Variants in USO1 observed in about 807,000 individuals in gnomAD.
USO1 encodes the protein USO1 vesicle transport factor.
Under a neutral mutation model 124.5 loss-of-function variants are expected in USO1, and 57 were observed. The observed-to-expected ratio is 0.46, with a 90% CI of 0.37 to 0.57. The LOEUF (loss-of-function observed/expected upper bound fraction) is 0.57, where lower values mean the gene tolerates loss of function less well. Among genes scored for constraint, USO1 ranks in the 20% least tolerant of loss-of-function variants. USO1 has a pLI of 0.00. For synonymous variants in USO1, 369 were observed against 362.8 expected (o/e 1.02, Z -0.19); for missense variants, 900 against 1,040.6 (o/e 0.86, Z 1.86).
intron 8 of USO1, among the ~76,000 whole-genome samples, chr4:75,779,771 A>C (rs747455550): frequency 1.3e-5 from 2 of 152,236 alleles, no homozygotes; most frequent in African/African-American, 2.4e-5. Context: ...TGATGTAGAA[A>C]CTGCAGCAAG....
At chr4:75,810,623 A>G (rs903614967) in intron 22 of USO1, 84 bp downstream of exon 22, 5 of 1,378,882 alleles carry the variant, frequency 3.6e-6, no homozygotes, top group Non-Finnish European at 1.9e-6. Context: ...AAATTCTTAG[A>G]TTTATGAAGA....
intron 19 of USO1, 48 bp downstream of exon 19, chr4:75,805,351 T>C: frequency 6.8e-7 from 1 of 1,467,098 alleles, no homozygotes; most frequent in African/African-American, 1.5e-5. Flanking sequence ...AGAGTGGTTC[T>C]CATTATCCTG....
Position 75,808,998 on chromosome 4 carries a change from A to C in USO1, c.2422A>C (p.Ile808Leu), listed in dbSNP as rs771202574. ...TCAGTTAAACTCACAATCTGTGGAG[A>C]TCACCAAACTACAGACAGAAAAGCA... Reference protein sequence around the residue: ...KSQLNSQSVEITKLQTEKQEL... With the variant: ...KSQLNSQSVELTKLQTEKQEL... Residue 808 changes from isoleucine (I) to leucine (L), a missense_variant, in exon 21 of 24, where the codon ATC (isoleucine) becomes CTC (leucine). By Grantham distance (5) the Ile-to-Leu change is conservative (BLOSUM62 2). This residue lies in a region of USO1 where 362 missense variants were observed against 359.0 expected (regional missense o/e 1.01). Transcript: ENST00000514213. 3.7e-6 allele frequency: 6 copies of C among 1,605,710 alleles called. No individual in the cohort carries two copies. Among genetic ancestry groups the C allele is most frequent in the Non-Finnish European group, 5.1e-6 (6 of 1,176,316 alleles).
intron 15 of USO1, 38 bp from the exon 16 acceptor site, chr4:75,800,580 A>AT (rs781524521): frequency 9.8e-6 from 14 of 1,427,076 alleles, no homozygotes; most frequent in South Asian, 9.3e-5. Flanking sequence ...TTTTGATTTT[A>AT]TTTTTTTTAA....
intron 1 of USO1, among the ~76,000 whole-genome samples, chr4:75,734,788 G>A (rs557900929): frequency 5.1e-4 from 68 of 132,310 alleles, no homozygotes; most frequent in African/African-American, 1.9e-3. Flanking sequence ...GGGTGCAGTG[G>A]CACAATCTCA....
Position 75,731,747 on chromosome 4 carries a change from G to C in USO1, c.66+6862G>C, listed in dbSNP as rs542436609. 2.0e-3 allele frequency among the ~76,000 whole-genome samples: 302 copies of C among 152,106 alleles called. 1 individual carries two copies. The highest frequency in any genetic ancestry group is 3.7e-3 in the Non-Finnish European group (252 of 68,004). Reference sequence around the variant, plus strand: ...TATCATAAAATTAAATCAATATTAGGTGCTTGACAAATATTTGTTGGATAA... The same window carrying C: ...TATCATAAAATTAAATCAATATTAGCTGCTTGACAAATATTTGTTGGATAA... On this transcript the variant is annotated intron_variant, in intron 1 of 23. Coordinates refer to ENST00000514213, the MANE Select transcript of USO1 (RefSeq NM_003715.4).
chr4:75,748,110 T>C (rs1721183015), intron 1 of USO1, among the ~76,000 whole-genome samples: 1 of 151,790 alleles, frequency 6.6e-6, no homozygotes, highest in Non-Finnish European at 1.5e-5. Context: ...TTTCTCTGTG[T>C]TGAGGCTGGT....
chr4:75,801,312 C>G, intron 17 of USO1, 112 bp downstream of exon 17: 1 of 1,261,058 alleles, frequency 7.9e-7, no homozygotes, highest in Non-Finnish European at 1.0e-6. Flanking sequence ...AAGCAAAACC[C>G]ATCATTTTTC....
intron 9 of USO1, among the ~76,000 whole-genome samples, chr4:75,784,830 G>C (rs1410402005): frequency 6.6e-6 from 1 of 151,588 alleles, no homozygotes; most frequent in Non-Finnish European, 1.5e-5. Context: ...TTAGAGTACA[G>C]CATGTAAACA....
chr4:75,808,851 G>T, intron 20 of USO1, 102 bp from the exon 21 acceptor site: 1 of 1,324,086 alleles, frequency 7.6e-7, no homozygotes, highest in South Asian at 1.4e-5. Context: ...GATTTTAAAA[G>T]TAGGAGGTTG....
At chr4:75,749,195 G>A (rs897720944) in intron 1 of USO1, among the ~76,000 whole-genome samples, 11 of 151,958 alleles carry the variant, frequency 7.2e-5, no homozygotes, top group East Asian at 5.8e-4. Flanking sequence ...AGTTAATTTC[G>A]TATAACCTTG....
At chr4:75,790,926 A>C in intron 12 of USO1, 129 bp downstream of exon 12, 1 of 1,170,166 alleles carries the variant, frequency 8.5e-7, no homozygotes, top group Non-Finnish European at 1.1e-6. Context: ...AAAAAAAACA[A>C]AAACACCTGA....
chr4:75,759,246 C>T (rs1389830834), intron 4 of USO1, among the ~76,000 whole-genome samples: 37 of 69,122 alleles, frequency 5.4e-4, no homozygotes, highest in Admixed American at 1.1e-3. Context: ...TATTAAGGAC[C>T]TTTTTTTTTT....
At chr4:75,728,694 T>A (rs2066385707) in intron 1 of USO1, among the ~76,000 whole-genome samples, 1 of 152,202 alleles carries the variant, frequency 6.6e-6, no homozygotes, top group Non-Finnish European at 1.5e-5. Flanking sequence ...AGTAAATATT[T>A]TATCATAGGA....
chr4:75,809,900 C>A (rs1343096585), intron 21 of USO1, among the ~76,000 whole-genome samples: 1 of 152,206 alleles, frequency 6.6e-6, no homozygotes, highest in African/African-American at 2.4e-5. Context: ...TCCAAAGCTA[C>A]TTCCACATTT....
chr4:75,767,832 G>A (rs1721812888), intron 4 of USO1, among the ~76,000 whole-genome samples: 1 of 152,096 alleles, frequency 6.6e-6, no homozygotes, highest in Non-Finnish European at 1.5e-5. Context: ...GACTGTTTTA[G>A]GTTTTTTGCA....
chr4:75,792,940 T>C (rs1413488941), intron 12 of USO1, among the ~76,000 whole-genome samples: 1 of 152,094 alleles, frequency 6.6e-6, no homozygotes, highest in Non-Finnish European at 1.5e-5. Flanking sequence ...CCTTCTACCA[T>C]TGATGATAAA....
intron 4 of USO1, among the ~76,000 whole-genome samples, chr4:75,763,998 T>A (rs1423544927): frequency 6.6e-6 from 1 of 152,208 alleles, no homozygotes; most frequent in Non-Finnish European, 1.5e-5. Context: ...AGAAGTGCTG[T>A]CTTATGACTG....
chr4:75,751,213 T>C (rs1008952392), intron 1 of USO1, among the ~76,000 whole-genome samples: 1 of 150,030 alleles, frequency 6.7e-6, no homozygotes, highest in Admixed American at 6.6e-5. Flanking sequence ...ATTTTATTTT[T>C]ATTTATTTAT....
Sources: allele counts gnomAD v4.1 joint callset (sites outside exome capture counted in the v4.1 genomes callset), GRCh38; gene constraint gnomAD v4.1.1; regional missense constraint gnomAD v4.1.1; transcripts MANE v1.5; gene names NCBI Gene and HGNC (gene_info 2026-07-23, HGNC 2026-07-21).